The following HBG1 variants were observed in gnomAD, a reference collection of about 807,000 sequenced individuals.
The protein encoded by HBG1 is hemoglobin subunit gamma-1.
A neutral mutation model predicts 5.9 loss-of-function variants in HBG1; 1 was observed. That is an observed-to-expected ratio of 0.17 (90% CI 0.06 to 0.81). The LOEUF (loss-of-function observed/expected upper bound fraction) is 0.81, where lower values mean the gene tolerates loss of function less well. Among genes scored for constraint, HBG1 ranks in the 30% least tolerant of loss-of-function variants. The pLI is 0.73. For missense variants in HBG1, 57 were observed against 122.0 expected, an observed-to-expected ratio of 0.47 and a Z score of 2.51; for synonymous variants, 19 against 50.5, an observed-to-expected ratio of 0.38 and a Z score of 2.64.
chr11:5,248,409 G>T lies in HBG1; in HGVS notation c.394C>A (p.Gln132Lys). 1 of 1,614,088 alleles carries T rather than the reference G, an allele frequency of 6.2e-7. No individual in the cohort carries two copies. Reference protein sequence around the residue: ...EFTPEVQASWQKMVTAVASAL... With the variant: ...EFTPEVQASWKKMVTAVASAL... ...CTGGCCACTGCAGTCACCATCTTCT[G>T]CCAGGAAGCCTGCACCTCAGGGGTG... The change falls in exon 3 of 3, where the codon CAG becomes AAG. Residue 132 changes from glutamine to lysine, a missense_variant. Around this residue, in one of 2 missense-constraint regions of HBG1, gnomAD observed 43 missense variants for 44.9 expected, o/e 0.96. Transcript: ENST00000330597.
chr11:5,248,652 C>T (rs112063879), intron 2 of HBG1, among the ~76,000 whole-genome samples, 165 bp from the exon 3 acceptor site: 10,352 of 145,364 alleles, frequency 0.071, 1,460 homozygotes, highest in African/African-American at 0.26. Context: ...GTAGTTGTTC[C>T]CCTTCAAGCA....
At chr11:5,248,972 C>A (rs1313712291) in intron 2 of HBG1, among the ~76,000 whole-genome samples, 1 of 146,634 alleles carries the variant, frequency 6.8e-6, no homozygotes. Flanking sequence ...TGTTTGGCCA[C>A]CAAAGTTCCC....
In HBG1 at chr11:5,248,409, G is replaced by C. The variant is rs36091032; in HGVS notation, c.394C>G (p.Gln132Glu). The C allele has an allele frequency of 6.2e-7, 1 of 1,614,088 alleles. No homozygotes were observed. The highest frequency in any genetic ancestry group is 8.5e-7 in the Non-Finnish European group (1 of 1,180,002). The change falls in exon 3 of 3, where the codon CAG (glutamine) becomes GAG (glutamate). Residue 132 changes from glutamine to glutamate, a missense_variant. Gln to Glu is a conservative substitution (Grantham distance 29, BLOSUM62 2). Around this residue, in one of 2 missense-constraint regions of HBG1, gnomAD observed 43 missense variants for 44.9 expected, o/e 0.96. Coordinates refer to ENST00000330597, the MANE Select transcript of HBG1 (RefSeq NM_000559.3). ...CTGGCCACTGCAGTCACCATCTTCTGCCAGGAAGCCTGCACCTCAGGGGTG... is the reference window on the plus strand; with the variant it reads ...CTGGCCACTGCAGTCACCATCTTCTCCCAGGAAGCCTGCACCTCAGGGGTG... ...EFTPEVQASW[Q>E]KMVTAVASAL...
rs1328031705 is a variant in HBG1 at position 5,248,463 on chromosome 11, C to G, written c.340G>C (p.Val114Leu). The change falls in exon 3 of 3, where the codon GTT becomes CTT. Residue 114 changes from valine (V) to leucine (L), a missense_variant. Physicochemically the swap from Val to Leu is conservative, Grantham distance 32. Around this residue, in one of 2 missense-constraint regions of HBG1, gnomAD observed 43 missense variants for 44.9 expected, o/e 0.96. Coordinates refer to ENST00000330597, the MANE Select transcript of HBG1 (RefSeq NM_000559.3). ...TCTTTGCCGAAATGGATTGCCAAAA[C>G]GGTCACCAGCACATTTCCCAGGAGC... Reference protein sequence around the residue: ...FKLLGNVLVTVLAIHFGKEFT... With the variant: ...FKLLGNVLVTLLAIHFGKEFT... The G allele has an allele frequency of 6.2e-7, 1 of 1,613,204 alleles. No homozygotes were observed. The highest frequency in any genetic ancestry group is 8.5e-7 in the Non-Finnish European group (1 of 1,179,474).
At chr11:5,248,780 G>GCACACACACA (rs1292097599) in intron 2 of HBG1, among the ~76,000 whole-genome samples, 5 of 113,076 alleles carry the variant, frequency 4.4e-5, no homozygotes, top group African/African-American at 1.4e-4. Flanking sequence ...ACGCGCGCGC[G>GCACACACACA]CACACACACA....
chr11:5,248,398 C>T lies in HBG1; in HGVS notation c.405G>A (p.Val135=), dbSNP rs1847904727. 1.9e-6 allele frequency: 3 copies of T among 1,614,014 alleles called. No homozygotes were observed. The highest frequency in any genetic ancestry group is 2.2e-5 in the South Asian group (2 of 91,074). The change falls in exon 3 of 3, where the codon GTG becomes GTA. Residue 135 remains valine, a synonymous_variant. Coordinates refer to ENST00000330597, the MANE Select transcript of HBG1 (RefSeq NM_000559.3). The part of the protein sequence containing the change: ...PEVQASWQKM[V]TAVASALSSR... ...AGGACAGGGCACTGGCCACTGCAGT[C>T]ACCATCTTCTGCCAGGAAGCCTGCA...
chr11:5,248,997 C>T lies in HBG1; in HGVS notation c.315+371G>A, dbSNP rs564384250. 4.0e-4 allele frequency among the ~76,000 whole-genome samples: 58 copies of T among 144,400 alleles called. 1 individual carries two copies. The highest frequency in any genetic ancestry group is 7.5e-4 in the Non-Finnish European group (49 of 65,246). 94.7% of individuals were successfully genotyped at this position (144,400 alleles called of 152,430 possible). On this transcript the variant is annotated intron_variant, in intron 2 of 2. Transcript: ENST00000330597. ...CCAAAGTTCCCCACTTTGACTGAGC[C>T]AATATATGCCTTCTGCCTGCATCTT...
At chr11:5,248,771 C>CAT (rs1491372379) in intron 2 of HBG1, among the ~76,000 whole-genome samples, 2 of 67,034 alleles carry the variant, frequency 3.0e-5, no homozygotes, top group Non-Finnish European at 6.4e-5. Context: ...CACACACACA[C>CAT]GCGCGCGCGC....
intron 2 of HBG1, 27 bp from the exon 3 acceptor site, chr11:5,248,514 G>C (rs747248765): frequency 6.2e-7 from 1 of 1,605,314 alleles, no homozygotes; most frequent in African/African-American, 1.3e-5. Context: ...AGACAATAAA[G>C]ATGAACCCAT....
intron 2 of HBG1, 44 bp from the exon 3 acceptor site, chr11:5,248,531 C>G (rs1461598142): frequency 1.3e-6 from 2 of 1,562,692 alleles, no homozygotes; most frequent in Non-Finnish European, 8.8e-7. Flanking sequence ...CCATAGTGAG[C>G]TGAGAGCTCC....
At chr11:5,248,934 C>T (rs1440871063) in intron 2 of HBG1, among the ~76,000 whole-genome samples, 6 of 148,682 alleles carry the variant, frequency 4.0e-5, no homozygotes, top group Non-Finnish European at 7.4e-5. Flanking sequence ...ATGTGTCCAG[C>T]TGATATAGGA....
At chr11:5,249,146 CT>C (rs1349939798) in intron 2 of HBG1, among the ~76,000 whole-genome samples, 1 of 133,130 alleles carries the variant, frequency 7.5e-6, no homozygotes, top group Non-Finnish European at 1.7e-5. Flanking sequence ...TTCCACCTCT[CT>C]TTTCTCAAAG....
Position 5,248,465 on chromosome 11 carries a change from G to A in HBG1, c.338C>T (p.Thr113Ile). Reference protein sequence around the residue: ...NFKLLGNVLVTVLAIHFGKEF... With the variant: ...NFKLLGNVLVIVLAIHFGKEF... ...TTTGCCGAAATGGATTGCCAAAACG[G>A]TCACCAGCACATTTCCCAGGAGCTG... Residue 113 changes from threonine (T) to isoleucine (I), a missense_variant, in exon 3 of 3, where the codon ACC (threonine) becomes ATC (isoleucine). Coordinates refer to ENST00000330597, the MANE Select transcript of HBG1 (RefSeq NM_000559.3). The A allele has an allele frequency of 6.2e-7, 1 of 1,613,256 alleles. No individual in the cohort carries two copies. The highest frequency in any genetic ancestry group is 8.5e-7 in the Non-Finnish European group (1 of 1,179,494).
chr11:5,248,315 G>C lies in HBG1; in HGVS notation c.*44C>G. 6.2e-7 allele frequency: 1 copy of C among 1,609,390 alleles called. No individual in the cohort carries two copies. The highest frequency in any genetic ancestry group is 1.1e-5 in the South Asian group (1 of 90,906). ...AGATTTATTATTTGTATTGCTTGCAGAATAAAGCCTATCCTTGAAAGCTCT... is the reference window on the plus strand; with the variant it reads ...AGATTTATTATTTGTATTGCTTGCACAATAAAGCCTATCCTTGAAAGCTCT... On this transcript the variant is annotated 3_prime_UTR_variant, in exon 3 of 3. Coordinates refer to ENST00000330597, the MANE Select transcript of HBG1 (RefSeq NM_000559.3).
intron 2 of HBG1, among the ~76,000 whole-genome samples, 196 bp downstream of exon 2, chr11:5,249,172 C>T (rs1847918234): frequency 7.5e-6 from 1 of 133,378 alleles, no homozygotes; most frequent in Non-Finnish European, 1.7e-5. Context: ...AATTGTCCAT[C>T]TAGATTTTTA....
chr11:5,248,452 G>T lies in HBG1; in HGVS notation c.351C>A (p.Ile117=). The change falls in exon 3 of 3, where the codon ATC becomes ATA. Residue 117 remains isoleucine (I), a synonymous_variant. Transcript: ENST00000330597. ...LGNVLVTVLA[I]HFGKEFTPEV... is the part of the protein sequence containing the mutation. ...CAGGGGTGAATTCTTTGCCGAAATG[G>T]ATTGCCAAAACGGTCACCAGCACAT... The T allele has an allele frequency of 1.2e-6, 2 of 1,613,644 alleles. No homozygotes were observed. Among genetic ancestry groups the T allele is most frequent in the Non-Finnish European group, 8.5e-7 (1 of 1,179,694 alleles).
rs112754033 is a variant in HBG1 at position 5,249,253 on chromosome 11, C to T, written c.315+115G>A. The T allele has an allele frequency of 6.3e-5, 52 of 830,914 alleles. 5 individuals carry two copies. Among genetic ancestry groups the T allele is most frequent in the Non-Finnish European group, 6.3e-5 (32 of 509,742 alleles). The allele number at this position is 830,914 out of a possible 1,614,324, so 51.5% of individuals were successfully genotyped here. A position where few individuals can be genotyped will look rare whatever the true frequency, so the allele number is the denominator to read the frequency against. ...AGTTAGTCCTCTGCAGTTTCTTCAC[C>T]CCCAACCCCAGTATCTTCAAACAGC... On this transcript the variant is annotated intron_variant, in intron 2 of 2. Coordinates refer to ENST00000330597, the MANE Select transcript of HBG1 (RefSeq NM_000559.3).
intron 2 of HBG1, among the ~76,000 whole-genome samples, chr11:5,248,770 A>ACACG (rs1554921631): frequency 3.3e-5 from 3 of 90,740 alleles, no homozygotes; most frequent in Non-Finnish European, 6.2e-5. Context: ...ACACACACAC[A>ACACG]CGCGCGCGCG....
At chr11:5,249,186 G>A in intron 2 of HBG1, among the ~76,000 whole-genome samples, 182 bp downstream of exon 2, 1 of 132,694 alleles carries the variant, frequency 7.5e-6, no homozygotes, top group South Asian at 2.5e-4. Context: ...ATTTTTAGAG[G>A]CACTCCTTAG....
Sources: gnomAD v4.1 joint callset for allele counts (sites outside exome capture counted in the v4.1 genomes callset) on GRCh38, gnomAD v4.1.1 for gene constraint, gnomAD v4.1.1 regional missense constraint, MANE v1.5 for transcripts, NCBI Gene and HGNC (gene_info 2026-07-23, HGNC 2026-07-21) for gene names.